The following CLVS1 variants were observed in gnomAD, a reference collection of about 807,000 sequenced individuals.
The protein encoded by CLVS1 is clavesin-1.
Under a neutral mutation model 33.1 loss-of-function variants are expected in CLVS1, and 10 were observed. The ratio of observed to expected loss-of-function variants is 0.30; its 90% confidence interval spans 0.19 to 0.51. The LOEUF is 0.51. CLVS1 is among the 20% of genes least tolerant of loss of function. The probability of loss-of-function intolerance (pLI) is 0.97; values close to 1 mark genes in which losing one functional copy is unlikely to be tolerated. For missense variants in CLVS1, 343 were observed against 433.4 expected, an observed-to-expected ratio of 0.79 and a Z score of 1.85; for synonymous variants, 163 against 166.1, an observed-to-expected ratio of 0.98 and a Z score of 0.14.
chr8:61,452,495 T>A (rs1253369882), intron 3 of CLVS1, among the ~76,000 whole-genome samples: 2 of 152,222 alleles, frequency 1.3e-5, no homozygotes, highest in African/African-American at 4.8e-5. Flanking sequence ...AAAGAAGTGA[T>A]GATAGTGAAT....
Position 61,454,242 on chromosome 8 carries a change from C to A in CLVS1, c.732C>A (p.Thr244=). Reference sequence around the variant, plus strand: ...TCAAGCCATTTCTTAAAGACAAGACCAGGAAACGGGTAATGAAAACAAATG... The same window carrying A: ...TCAAGCCATTTCTTAAAGACAAGACAAGGAAACGGGTAATGAAAACAAATG... ...TLIKPFLKDK[T]RKRIFLHGNN... Residue 244 remains threonine, a synonymous_variant, in exon 4 of 6, where the codon ACC becomes ACA. Coordinates refer to ENST00000325897, the MANE Select transcript of CLVS1 (RefSeq NM_173519.3). 6.2e-7 allele frequency: 1 copy of A among 1,612,170 alleles called. No homozygotes were observed. The highest frequency in any genetic ancestry group is 8.5e-7 in the Non-Finnish European group (1 of 1,178,250).
At chr8:61,110,268 G>A (rs1470337271) in intron 1 of CLVS1, among the ~76,000 whole-genome samples, 1 of 152,166 alleles carries the variant, frequency 6.6e-6, no homozygotes, top group Non-Finnish European at 1.5e-5. Context: ...CTGTTAGGGA[G>A]CTGCCCTGAC....
intron 2 of CLVS1, among the ~76,000 whole-genome samples, chr8:61,365,568 G>A (rs1813168389): frequency 6.6e-6 from 1 of 152,008 alleles, no homozygotes; most frequent in Non-Finnish European, 1.5e-5. Context: ...GAGTTTCATT[G>A]GAAGTAGGAG....
At chr8:61,208,819 C>T (rs1002747326) in intron 2 of CLVS1, among the ~76,000 whole-genome samples, 7 of 152,170 alleles carry the variant, frequency 4.6e-5, no homozygotes, top group Admixed American at 1.3e-4. Context: ...ATCTCTTGAC[C>T]TTGTGATCTG....
In CLVS1 at chr8:61,300,001, C is replaced by A; in HGVS notation, c.174C>A (p.Asp58Glu). 1 of 1,614,074 alleles carries A rather than the reference C, an allele frequency of 6.2e-7. No individual in the cohort carries two copies. The highest frequency in any genetic ancestry group is 8.5e-7 in the Non-Finnish European group (1 of 1,179,964). ...VLHQDIQQVRDMIITRPDIGF... is the reference protein window; with the variant it reads ...VLHQDIQQVREMIITRPDIGF... The stretch of plus-strand genomic sequence containing the variant: ...ATCAGGATATTCAGCAAGTCAGGGA[C>A]ATGATCATCACCAGGCCTGACATTG... Residue 58 changes from aspartate to glutamate, a missense_variant, in exon 2 of 6, where the codon GAC becomes GAA. Around this residue, in one of 4 missense-constraint regions of CLVS1, gnomAD observed 88 missense variants for 77.3 expected, o/e 1.14. Coordinates refer to ENST00000325897, the MANE Select transcript of CLVS1 (RefSeq NM_173519.3).
chr8:61,106,006 C>G (rs995180615), intron 1 of CLVS1, among the ~76,000 whole-genome samples: 1 of 152,188 alleles, frequency 6.6e-6, no homozygotes, highest in Non-Finnish European at 1.5e-5. Flanking sequence ...GCTGTGCCAT[C>G]AGCACTTGTG....
the CLVS1 span, among the ~76,000 whole-genome samples, chr8:61,012,515 A>G: frequency 6.6e-6 from 1 of 152,228 alleles, no homozygotes; most frequent in African/African-American, 2.4e-5. Flanking sequence ...TTGAACCTGG[A>G]TCTTCTGACA....
chr8:61,257,484 C>T (rs1809108619), intron 2 of CLVS1, among the ~76,000 whole-genome samples: 1 of 152,182 alleles, frequency 6.6e-6, no homozygotes, highest in Non-Finnish European at 1.5e-5. Flanking sequence ...CTTCAATTCT[C>T]TGTCCTCTAA....
chr8:61,111,134 C>A (rs546435282), intron 1 of CLVS1, among the ~76,000 whole-genome samples: 54 of 152,180 alleles, frequency 3.5e-4, no homozygotes, highest in African/African-American at 1.0e-3. Context: ...TAGTGGAATA[C>A]AGTAGGGATT....
chr8:60,984,342 CAG>C, the CLVS1 span, among the ~76,000 whole-genome samples: 1 of 141,320 alleles, frequency 7.1e-6, no homozygotes, highest in Non-Finnish European at 1.5e-5. Context: ...TTTTTTGAGA[CAG>C]AATTCCGCTT....
At chr8:61,023,376 G>A in the CLVS1 span, among the ~76,000 whole-genome samples, 1 of 152,244 alleles carries the variant, frequency 6.6e-6, no homozygotes, top group Non-Finnish European at 1.5e-5. Context: ...GACGGGGACA[G>A]AGTTCTCTGG....
chr8:61,451,373 C>T (rs1816944528), intron 3 of CLVS1, among the ~76,000 whole-genome samples: 1 of 151,716 alleles, frequency 6.6e-6, no homozygotes, highest in Admixed American at 6.6e-5. Flanking sequence ...AATAAGGAAA[C>T]AAAATTAACT....
At chr8:61,350,549 G>A (rs1035597362) in intron 2 of CLVS1, among the ~76,000 whole-genome samples, 1 of 152,144 alleles carries the variant, frequency 6.6e-6, no homozygotes, top group Non-Finnish European at 1.5e-5. Flanking sequence ...TGAAGATAAG[G>A]TAATGCTGTA....
chr8:61,405,960 T>A (rs936536712), intron 3 of CLVS1, among the ~76,000 whole-genome samples: 2 of 152,214 alleles, frequency 1.3e-5, no homozygotes, highest in African/African-American at 2.4e-5. Flanking sequence ...CATATACTAA[T>A]TTTTGTGTAC....
upstream of CLVS1, among the ~76,000 whole-genome samples, chr8:61,054,664 C>T (rs1563386146): frequency 6.6e-6 from 1 of 152,078 alleles, no homozygotes; most frequent in Non-Finnish European, 1.5e-5. Context: ...CTTTGGGTGT[C>T]TTCTCGGTGT....
chr8:61,219,211 C>T (rs1120056), intron 2 of CLVS1, among the ~76,000 whole-genome samples: 73,206 of 151,854 alleles, frequency 0.48, 18,440 homozygotes, highest in East Asian at 0.82. Flanking sequence ...GGGATACATG[C>T]GCAGAACATG....
intron 2 of CLVS1, among the ~76,000 whole-genome samples, chr8:61,210,912 G>C (rs1300678652): frequency 1.3e-5 from 2 of 151,988 alleles, no homozygotes; most frequent in Non-Finnish European, 2.9e-5. Context: ...AGAGCCTGGA[G>C]GAACAGCTAC....
the CLVS1 span, among the ~76,000 whole-genome samples, chr8:61,006,084 T>C: frequency 1.3e-5 from 2 of 152,142 alleles, no homozygotes. Context: ...CAAGCAGAAC[T>C]TGACAGAAAT....
At chr8:61,232,041 T>TTTGTTTTGTTTTG (rs1554548396) in intron 2 of CLVS1, among the ~76,000 whole-genome samples, 2 of 116,014 alleles carry the variant, frequency 1.7e-5, no homozygotes, top group South Asian at 2.8e-4. Flanking sequence ...TTTTTTTTTT[T>TTTGTTTTGTTTTG]TTTTTTTTTG....
Sources: allele counts gnomAD v4.1 joint callset (sites outside exome capture counted in the v4.1 genomes callset), GRCh38; gene constraint gnomAD v4.1.1; regional missense constraint gnomAD v4.1.1; transcripts MANE v1.5; gene names NCBI Gene and HGNC (gene_info 2026-07-23, HGNC 2026-07-21).